The following POLR3E variants were observed in gnomAD, a reference collection of about 807,000 sequenced individuals.
POLR3E encodes DNA-directed RNA polymerase III subunit RPC5.
Under a neutral mutation model 96.6 loss-of-function variants are expected in POLR3E, and 41 were observed. The ratio of observed to expected loss-of-function variants is 0.42; its 90% CI spans 0.33 to 0.55. POLR3E has a LOEUF of 0.55. Ranked by LOEUF, POLR3E falls within the 20% of genes least tolerant of loss-of-function variation. The pLI, the probability that POLR3E is intolerant of heterozygous loss-of-function variation, is 0.06. For missense variants in POLR3E, 849 were observed against 952.1 expected, an observed-to-expected ratio of 0.89 and a Z score of 1.43; for synonymous variants, 396 against 383.6, an observed-to-expected ratio of 1.03 and a Z score of -0.38.
intron 14 of POLR3E, among the ~76,000 whole-genome samples, 179 bp from the exon 15 acceptor site, chr16:22,324,175 A>G (rs962823617): frequency 6.6e-6 from 1 of 151,540 alleles, no homozygotes; most frequent in Non-Finnish European, 1.5e-5. Flanking sequence ...TATGGAGGAG[A>G]AAAGGAGGGA....
chr16:22,298,569 C>G (rs1014542679), intron 1 of POLR3E, among the ~76,000 whole-genome samples: 1 of 152,136 alleles, frequency 6.6e-6, no homozygotes, highest in South Asian at 2.1e-4. Context: ...GGATTTGAAC[C>G]TGCACAGTTT....
rs1440169851 is a variant in POLR3E at position 22,325,922 on chromosome 16, G to A, written c.1510G>A (p.Glu504Lys). 6 of 1,596,398 alleles carry A rather than the reference G, an allele frequency of 3.8e-6. No homozygotes were observed. The African/African-American group carries it at 4.0e-5, about 11-fold the overall frequency. ...GCGGATCAAGGAGGAGCCCGTGAGCGAGGAGGGCGAGGAGGACGAGGAGCA... is the reference window on the plus strand; with the variant it reads ...GCGGATCAAGGAGGAGCCCGTGAGCAAGGAGGGCGAGGAGGACGAGGAGCA... ...GVRIKEEPVSEEGEEDEEQEA... is the reference protein window; with the variant it reads ...GVRIKEEPVSKEGEEDEEQEA... Residue 504 changes from glutamate (E) to lysine (K), a missense_variant, in exon 18 of 21, where the codon GAG becomes AAG. Glu to Lys is a moderately conservative substitution (Grantham distance 56). Transcript: ENST00000299853.
In POLR3E at chr16:22,313,806, G is replaced by A; in HGVS notation, c.472+79G>A. 1 of 959,970 alleles carries A rather than the reference G, an allele frequency of 1.0e-6. No homozygotes were observed. Among genetic ancestry groups the A allele is most frequent in the Non-Finnish European group, 1.6e-6 (1 of 609,218 alleles). 59.5% of individuals were successfully genotyped at this position (959,970 alleles called of 1,614,324 possible). ...GGCTTGGTCCTGGGAAGAGGGATGG[G>A]ATGATAGGATGTTTAGCAGGATCCC... On this transcript the variant is annotated intron_variant, in intron 7 of 20. Coordinates refer to ENST00000299853, the MANE Select transcript of POLR3E (RefSeq NM_018119.4). This position sits in a 1 kb window ranked among gnomAD's most constrained non-coding sequence, Gnocchi z 4.1.
At chr16:22,302,371 T>C (rs994396310) in intron 1 of POLR3E, 2 of 152,872 alleles carry the variant, frequency 1.3e-5, no homozygotes, top group African/African-American at 4.8e-5. Context: ...CCACACCTCA[T>C]AGGGTCATTG....
At chr16:22,304,811 C>T (rs1400279451) in intron 2 of POLR3E, among the ~76,000 whole-genome samples, 2 of 152,146 alleles carry the variant, frequency 1.3e-5, no homozygotes, top group Non-Finnish European at 2.9e-5. Flanking sequence ...GGTGAGCCCT[C>T]GCCTGCCTGC....
chr16:22,308,054 G>C (rs2048170873), intron 3 of POLR3E, 94 bp from the exon 4 acceptor site: 1 of 880,376 alleles, frequency 1.1e-6, no homozygotes, highest in Admixed American at 1.8e-5. Context: ...CTCTGCTTGG[G>C]GTGGGCTTGG....
chr16:22,330,460 C>CCAAA (rs1404847137), intron 19 of POLR3E, among the ~76,000 whole-genome samples: 1 of 152,162 alleles, frequency 6.6e-6, no homozygotes, highest in East Asian at 1.9e-4. Context: ...CATTGTAGAG[C>CCAAA]CAAACATCAG....
chr16:22,332,298 A>C, intron 20 of POLR3E, 113 bp downstream of exon 20: 1 of 907,002 alleles, frequency 1.1e-6, no homozygotes, highest in Non-Finnish European at 1.7e-6. Flanking sequence ...CCTTGGGACC[A>C]CTCCCCAGTC....
intron 1 of POLR3E, chr16:22,298,865 G>A (rs1189417773): frequency 2.3e-6 from 1 of 430,740 alleles, no homozygotes; most frequent in Non-Finnish European, 4.7e-6. Context: ...TCTAGGTATT[G>A]AGAGAACCAG....
At chr16:22,316,929 G>A in intron 10 of POLR3E, 66 bp from the exon 11 acceptor site, 2 of 1,536,076 alleles carry the variant, frequency 1.3e-6, no homozygotes, top group Admixed American at 1.7e-5. Flanking sequence ...CCCTCACTTG[G>A]GTGGCTGGTG....
Position 22,324,383 on chromosome 16 carries a change from G to A in POLR3E, c.1098G>A (p.Val366=). The A allele has an allele frequency of 6.2e-7, 1 of 1,612,990 alleles. No homozygotes were observed. Among genetic ancestry groups the A allele is most frequent in the Non-Finnish European group, 8.5e-7 (1 of 1,179,680 alleles). The change falls in exon 15 of 21, where the codon GTG becomes GTA. Residue 366 remains valine, a synonymous_variant. Coordinates refer to ENST00000299853, the MANE Select transcript of POLR3E (RefSeq NM_018119.4). ...GGAAGTTCACGCAGAGCCGCTGGGTGGTTAGGAAAGAGGTGGCAACCGTGA... is the reference window on the plus strand; with the variant it reads ...GGAAGTTCACGCAGAGCCGCTGGGTAGTTAGGAAAGAGGTGGCAACCGTGA... ...VMWKFTQSRW[V]VRKEVATVTK... is the part of the protein sequence containing the mutation.
At chr16:22,300,512 C>T (rs964576197) in intron 1 of POLR3E, among the ~76,000 whole-genome samples, 2 of 152,224 alleles carry the variant, frequency 1.3e-5, no homozygotes, top group Non-Finnish European at 2.9e-5. Context: ...AGAACAATTG[C>T]GTCTTGGGAA....
At chr16:22,305,732 G>C (rs901341732) in intron 3 of POLR3E, among the ~76,000 whole-genome samples, 5 of 152,140 alleles carry the variant, frequency 3.3e-5, no homozygotes, top group Non-Finnish European at 5.9e-5. Context: ...AGGGCCCCGG[G>C]TTGCTACCTC....
chr16:22,298,360 C>T (rs756735172), intron 1 of POLR3E, among the ~76,000 whole-genome samples: 3 of 152,190 alleles, frequency 2.0e-5, no homozygotes, highest in East Asian at 3.8e-4. Flanking sequence ...CGTCATTACC[C>T]GCTTACGTTG....
In POLR3E at chr16:22,320,355, G is replaced by A. The variant is rs535500032; in HGVS notation, c.986+1409G>A. Reference sequence around the variant, plus strand: ...CAGCTCACTGCAACCTCTGTCTCCCGGGTTTAAGCGATTCTCCTGCCTCAG... The same window carrying A: ...CAGCTCACTGCAACCTCTGTCTCCCAGGTTTAAGCGATTCTCCTGCCTCAG... On this transcript the variant is annotated intron_variant, in intron 13 of 20. Coordinates refer to ENST00000299853, the MANE Select transcript of POLR3E (RefSeq NM_018119.4). Among the ~76,000 whole-genome samples, 13 of 152,046 alleles carry A rather than the reference G, an allele frequency of 8.6e-5. No individual in the cohort carries two copies. In the East Asian group the frequency reaches 9.7e-4, roughly 11 times the overall value.
Position 22,325,749 on chromosome 16 carries a change from CCCT to C in POLR3E, c.1349-9_1349-7del. The C allele has an allele frequency of 6.5e-7, 1 of 1,544,748 alleles. No individual in the cohort carries two copies. The highest frequency in any genetic ancestry group is 2.3e-5 in the East Asian group (1 of 44,354). On this transcript the variant is annotated splice_polypyrimidine_tract_variant and intron_variant, in intron 17 of 20. Coordinates refer to ENST00000299853, the MANE Select transcript of POLR3E (RefSeq NM_018119.4). ...TGTGCCCTCCTGAGCAGTGCTGCCT[CCCT>C]CCCCGCAGGGCCTGCCGGGCTGGTC...
chr16:22,309,100 G>T (rs1016425768), intron 5 of POLR3E, 60 bp downstream of exon 5: 19 of 1,194,750 alleles, frequency 1.6e-5, no homozygotes, highest in Non-Finnish European at 2.2e-5. Flanking sequence ...GCCTCCAAAA[G>T]ACCTTAAAGA....
At chr16:22,328,376 A>G in intron 18 of POLR3E, 134 bp from the exon 19 acceptor site, 2 of 731,062 alleles carry the variant, frequency 2.7e-6, no homozygotes, top group Non-Finnish European at 4.8e-6. Context: ...GCCCTCAGAG[A>G]TGGTGAGTAG....
rs775635945 is a variant in POLR3E at position 22,305,156 on chromosome 16, A to C, written c.37A>C (p.Ile13Leu). The change falls in exon 3 of 21, where the codon ATC (isoleucine) becomes CTC (leucine). Residue 13 changes from isoleucine (I) to leucine (L), a missense_variant and splice_region_variant. Coordinates refer to ENST00000299853, the MANE Select transcript of POLR3E (RefSeq NM_018119.4). ...TTAAGTCGTCTTCCCTTCTTCCCAG[A>C]TCGATGTGTACTTGGCCAAGAGTCT... ...NEEDDPVVQE[I>L]DVYLAKSLAE... The C allele has an allele frequency of 1.9e-6, 3 of 1,612,754 alleles. No individual in the cohort carries two copies. Among genetic ancestry groups the C allele is most frequent in the Non-Finnish European group, 1.7e-6 (2 of 1,178,832 alleles).
Sources: gnomAD v4.1 joint callset for allele counts (sites outside exome capture counted in the v4.1 genomes callset) on GRCh38, gnomAD v4.1.1 for gene constraint, Gnocchi (gnomAD v3.1) non-coding constraint, MANE v1.5 for transcripts, NCBI Gene and HGNC (gene_info 2026-07-23, HGNC 2026-07-21) for gene names.